PIEZO2: variants seen among roughly 807,000 people sequenced by gnomAD.
PIEZO2 encodes the protein piezo type mechanosensitive ion channel component 2, also known as piezo-type mechanosensitive ion channel component 2.
A neutral mutation model predicts 337.3 loss-of-function variants in PIEZO2; 172 were observed. That is an observed-to-expected ratio of 0.51 (90% CI 0.45 to 0.58). The LOEUF (loss-of-function observed/expected upper bound fraction) is 0.58. Among genes scored for constraint, PIEZO2 ranks in the 20% least tolerant of loss-of-function variants. PIEZO2 has a pLI of 0.00. For missense variants in PIEZO2, 3,028 were observed against 3,391.3 expected, an observed-to-expected ratio of 0.89 and a Z score of 2.66; for synonymous variants, 1,251 against 1,228.5, an observed-to-expected ratio of 1.02 and a Z score of -0.38.
At chr18:10,770,633 CAG>C (rs906304081) in intron 20 of PIEZO2, among the ~76,000 whole-genome samples, 1 of 152,160 alleles carries the variant, frequency 6.6e-6, no homozygotes, top group African/African-American at 2.4e-5. Flanking sequence ...CTCTTTCTGA[CAG>C]AGTCTTGCTC....
At position 10,856,552 on chromosome 18, in the gene PIEZO2, A is replaced by G. The variant is rs1598589854; in HGVS notation, c.703+449T>C. ...CGTCTGTGCTGGAAGATTACAATCT[A>G]ACTTAGGAAGAAAAATAGTCTATCC... On this transcript the variant is annotated intron_variant, in intron 6 of 55. Coordinates refer to ENST00000674853, the MANE Select transcript of PIEZO2 (RefSeq NM_001378183.1). The surrounding 1 kb of genome is among the most constrained non-coding windows in gnomAD (Gnocchi z 4.7). Among the ~76,000 whole-genome samples the G allele has an allele frequency of 6.6e-6, 1 of 152,320 alleles. No homozygotes were observed. Among genetic ancestry groups the G allele is most frequent in the African/African-American group, 2.4e-5 (1 of 41,568 alleles).
chr18:10,682,001 C>G lies in PIEZO2; in HGVS notation c.7686+103G>C. On this transcript the variant is annotated intron_variant, in intron 50 of 55. Coordinates refer to ENST00000674853, the MANE Select transcript of PIEZO2 (RefSeq NM_001378183.1). This position sits in a 1 kb window ranked among gnomAD's most constrained non-coding sequence, Gnocchi z 5.6. ...TATTTGCTGAGCAGTCAAATGCCGACAGCAGGGTCGGCAGCCCATGACTAA... is the reference window on the plus strand; with the variant it reads ...TATTTGCTGAGCAGTCAAATGCCGAGAGCAGGGTCGGCAGCCCATGACTAA... The G allele has an allele frequency of 8.5e-7, 1 of 1,182,748 alleles. No homozygotes were observed. Among genetic ancestry groups the G allele is most frequent in the Non-Finnish European group, 1.2e-6 (1 of 864,492 alleles). The allele number at this position is 1,182,748 out of a possible 1,614,324, so 73.3% of individuals were successfully genotyped here.
rs538528686 is a variant in PIEZO2 at position 10,682,079 on chromosome 18, T to C, written c.7686+25A>G. ...AATGTGGCGTGGGGCAAGGCTCTGG[T>C]AGGTGGGGTGTGCACAGAGATCACC... On this transcript the variant is annotated intron_variant, in intron 50 of 55. Transcript: ENST00000674853. This position sits in a 1 kb window ranked among gnomAD's most constrained non-coding sequence, Gnocchi z 5.6. 2.0e-6 allele frequency: 3 copies of C among 1,521,628 alleles called. No individual in the cohort carries two copies. The highest frequency in any genetic ancestry group is 2.5e-5 in the East Asian group (1 of 40,790). The allele number at this position is 1,521,628 out of a possible 1,614,324, so 94.3% of individuals were successfully genotyped here.
chr18:11,024,996 G>T (rs758933006), intron 2 of PIEZO2, among the ~76,000 whole-genome samples: 3 of 151,264 alleles, frequency 2.0e-5, no homozygotes, highest in Admixed American at 6.6e-5. Context: ...CTCCCAAGTT[G>T]AATGTAGTAC....
chr18:10,838,461 G>C (rs1009537149), intron 7 of PIEZO2, among the ~76,000 whole-genome samples: 10 of 152,154 alleles, frequency 6.6e-5, no homozygotes, highest in Non-Finnish European at 1.0e-4. Context: ...GCTTTTGGGG[G>C]CACAAACATG....
rs575577964 is a variant in PIEZO2, at chr18:10,993,836, C to CTT, written c.161-14178_161-14177dup. ...GCCACCGCTCCTGGCCATGTCTCTG[C>CTT]TTTTTTTTTATTATTAATTTTAAAA... On this transcript the variant is annotated intron_variant, in intron 2 of 55. Coordinates refer to ENST00000674853, the MANE Select transcript of PIEZO2 (RefSeq NM_001378183.1). This position sits in a 1 kb window ranked among gnomAD's most constrained non-coding sequence, Gnocchi z 5.0. Among the ~76,000 whole-genome samples, 2 of 151,272 alleles carry CTT rather than the reference C, an allele frequency of 1.3e-5. No homozygotes were observed. The highest frequency in any genetic ancestry group is 4.8e-5 in the African/African-American group (2 of 41,284).
chr18:10,723,397 G>A (rs1203750266), intron 36 of PIEZO2, among the ~76,000 whole-genome samples: 1 of 152,194 alleles, frequency 6.6e-6, no homozygotes, highest in East Asian at 1.9e-4. Flanking sequence ...GGATTTAAGA[G>A]AGAACGGGAA....
At position 10,979,638 on chromosome 18, in the gene PIEZO2, C is replaced by G. The variant is rs1456989099; in HGVS notation, c.183G>C (p.Lys61Asn). The G allele has an allele frequency of 3.9e-6, 6 of 1,535,300 alleles. No individual in the cohort carries two copies. Among genetic ancestry groups the G allele is most frequent in the Admixed American group, 2.0e-5 (1 of 50,956 alleles). The change falls in exon 3 of 56, where the codon AAG becomes AAC. Residue 61 changes from lysine to asparagine, a missense_variant. This residue lies in a region of PIEZO2 where 542 missense variants were observed against 605.6 expected (regional missense o/e 0.89). Transcript: ENST00000674853. The surrounding 1 kb of genome is among the most constrained non-coding windows in gnomAD (Gnocchi z 4.0). ...AGGAAAGACTGATGAAGCACAGAGA[C>G]TTTAATAACCGTCCCGTATGTCCTA... ...TMQGHTGRLLKSLCFISLSFL... is the reference protein window; with the variant it reads ...TMQGHTGRLLNSLCFISLSFL...
rs1380540646 is a variant in PIEZO2 at position 11,143,633 on chromosome 18, A to ACTCT, written c.64+4891_64+4892insAGAG. The stretch of plus-strand genomic sequence containing the variant: ...CACACACACACACACACACACACAC[A>ACTCT]CACACACTCTCTCTCTCTCTCTCTC... On this transcript the variant is annotated intron_variant, in intron 1 of 55. Coordinates refer to ENST00000674853, the MANE Select transcript of PIEZO2 (RefSeq NM_001378183.1). The surrounding 1 kb of genome is among the most constrained non-coding windows in gnomAD (Gnocchi z 4.9). Among the ~76,000 whole-genome samples the ACTCT allele has an allele frequency of 2.9e-5, 2 of 68,926 alleles. No individual in the cohort carries two copies. Among genetic ancestry groups the ACTCT allele is most frequent in the African/African-American group, 1.6e-4 (2 of 12,374 alleles). The allele number at this position is 68,926 out of a possible 152,430, so 45.2% of individuals were successfully genotyped here.
At chr18:10,972,251 T>C (rs890075932) in intron 3 of PIEZO2, among the ~76,000 whole-genome samples, 8 of 152,042 alleles carry the variant, frequency 5.3e-5, no homozygotes, top group African/African-American at 1.9e-4. Flanking sequence ...TGTTAGTTCA[T>C]TTTCCTCCTA....
rs558477474 is a variant in PIEZO2 at position 11,132,523 on chromosome 18, C to A, written c.64+16002G>T. On this transcript the variant is annotated intron_variant, in intron 1 of 55. Coordinates refer to ENST00000674853, the MANE Select transcript of PIEZO2 (RefSeq NM_001378183.1). The surrounding 1 kb of genome is among the most constrained non-coding windows in gnomAD (Gnocchi z 4.7). ...TATATGGTACTGTTTCTCTCATAGC[C>A]AGGATTCATATGTCCGGGAATCAGA... is the stretch of plus-strand genomic sequence containing the variant. Among the ~76,000 whole-genome samples, 12 of 152,216 alleles carry A rather than the reference C, an allele frequency of 7.9e-5. No homozygotes were observed. The highest frequency in any genetic ancestry group is 2.9e-4 in the African/African-American group (12 of 41,538).
rs1160100187 is a variant in PIEZO2, at chr18:10,752,741, G to A, written c.4062C>T (p.Leu1354=). ...GTTTCAACAGCAAATCGCCCCCAAA[G>A]AGCAGGAAGTAGAAACAGGCCACCA... is the stretch of plus-strand genomic sequence containing the variant. ...GYLVACFYFL[L]FGGDLLLKPI... The change falls in exon 28 of 56, where the codon CTC becomes CTT. Residue 1354 remains leucine (L), a synonymous_variant. Transcript: ENST00000674853. 1 of 1,537,148 alleles carries A rather than the reference G, an allele frequency of 6.5e-7. No individual in the cohort carries two copies. Among genetic ancestry groups the A allele is most frequent in the Non-Finnish European group, 8.7e-7 (1 of 1,146,934 alleles).
At chr18:11,005,510 G>T (rs960763645) in intron 2 of PIEZO2, among the ~76,000 whole-genome samples, 1 of 152,180 alleles carries the variant, frequency 6.6e-6, no homozygotes. Flanking sequence ...TCAAGGAGCG[G>T]TATCAGGGAT....
rs1394853720 is a variant in PIEZO2, at chr18:11,102,459, T to C, written c.65-36237A>G. ...AATCTCACCCTGTCCCCCACCAGGCTGGTGCAGTGGCAGGTGGCCAGCCTT... is the reference window on the plus strand; with the variant it reads ...AATCTCACCCTGTCCCCCACCAGGCCGGTGCAGTGGCAGGTGGCCAGCCTT... On this transcript the variant is annotated intron_variant, in intron 1 of 55. Coordinates refer to ENST00000674853, the MANE Select transcript of PIEZO2 (RefSeq NM_001378183.1). The surrounding 1 kb of genome is among the most constrained non-coding windows in gnomAD (Gnocchi z 5.7). Among the ~76,000 whole-genome samples, 1 of 152,182 alleles carries C rather than the reference T, an allele frequency of 6.6e-6. No individual in the cohort carries two copies. Among genetic ancestry groups the C allele is most frequent in the Non-Finnish European group, 1.5e-5 (1 of 68,020 alleles).
chr18:10,762,745 T>C (rs2038189924), intron 22 of PIEZO2, 120 bp from the exon 23 acceptor site: 1 of 1,347,272 alleles, frequency 7.4e-7, no homozygotes, highest in Non-Finnish European at 9.9e-7. Flanking sequence ...CAGGCCCATT[T>C]CAGGGGAGAC....
intron 5 of PIEZO2, among the ~76,000 whole-genome samples, chr18:10,860,046 C>T (rs530502544): frequency 2.6e-5 from 4 of 152,210 alleles, no homozygotes; most frequent in South Asian, 4.2e-4. Flanking sequence ...AGATTGGAGA[C>T]GGAGAGTCCA....
chr18:10,849,179 AT>A (rs2041459630), intron 7 of PIEZO2, among the ~76,000 whole-genome samples: 1 of 151,934 alleles, frequency 6.6e-6, no homozygotes, highest in Non-Finnish European at 1.5e-5. Flanking sequence ...CGCCCAGCTC[AT>A]TTTGTATTTT....
At chr18:10,985,730 C>T (rs746966903) in intron 2 of PIEZO2, among the ~76,000 whole-genome samples, 8 of 151,126 alleles carry the variant, frequency 5.3e-5, no homozygotes, top group African/African-American at 9.7e-5. Flanking sequence ...AACCTGTAGT[C>T]GATACACAAA....
chr18:11,118,897 A>G (rs377220945), intron 1 of PIEZO2, among the ~76,000 whole-genome samples: 1 of 152,196 alleles, frequency 6.6e-6, no homozygotes, highest in African/African-American at 2.4e-5. Context: ...CCTACTGGAG[A>G]ATTTTTAATT....
Sources: allele counts gnomAD v4.1 joint callset (sites outside exome capture counted in the v4.1 genomes callset), GRCh38; gene constraint gnomAD v4.1.1; regional missense constraint gnomAD v4.1.1; non-coding constraint Gnocchi (gnomAD v3.1); transcripts MANE v1.5; gene names NCBI Gene and HGNC (gene_info 2026-07-23, HGNC 2026-07-21).